PIP5K1B: variants seen among roughly 807,000 people sequenced by gnomAD.
PIP5K1B encodes the protein phosphatidylinositol-4-phosphate 5-kinase type 1 beta, also known as phosphatidylinositol 4-phosphate 5-kinase type-1 beta.
In PIP5K1B, 42 loss-of-function variants were observed where a neutral mutation model predicts 67.0. That is an observed-to-expected ratio of 0.63 (90% CI 0.49 to 0.81). The LOEUF is 0.81. PIP5K1B is among the 30% of genes least tolerant of loss of function. The pLI is 0.00. For synonymous variants in PIP5K1B, 214 were observed against 231.4 expected, an observed-to-expected ratio of 0.92 and a Z score of 0.68; for missense variants, 459 against 646.3, an observed-to-expected ratio of 0.71 and a Z score of 3.14.
At position 69,006,618 on chromosome 9, in the gene PIP5K1B, C is replaced by T. The variant is rs77009193; in HGVS notation, c.1621-1829C>T. On this transcript the variant is annotated intron_variant, in intron 15 of 15. Coordinates refer to ENST00000265382, the MANE Select transcript of PIP5K1B (RefSeq NM_003558.4). ...GTCTCTACCTCTCCTATTTTCTAGA[C>T]CAAAAAGCCCAGGCCTTTAGCCATT... Among the ~76,000 whole-genome samples, 768 of 152,224 alleles carry T rather than the reference C, an allele frequency of 5.0e-3. 2 individuals are homozygous for T. The highest frequency in any genetic ancestry group is 8.2e-3 in the Non-Finnish European group (559 of 68,020).
intron 1 of PIP5K1B, among the ~76,000 whole-genome samples, chr9:68,730,099 A>G (rs1219451743): frequency 6.6e-6 from 1 of 152,202 alleles, no homozygotes; most frequent in South Asian, 2.1e-4. Flanking sequence ...AAATTAAGTG[A>G]AAAAAGAGAC....
chr9:68,722,790 C>T (rs1249429507), intron 1 of PIP5K1B, among the ~76,000 whole-genome samples: 1 of 151,986 alleles, frequency 6.6e-6, no homozygotes, highest in Non-Finnish European at 1.5e-5. Context: ...TCACCTCAAA[C>T]ATTTTTCATT....
intron 2 of PIP5K1B, chr9:68,781,257 A>G (rs1831256840): frequency 1.8e-6 from 1 of 555,578 alleles, no homozygotes; most frequent in East Asian, 3.3e-5. Context: ...AAGTGTGTTG[A>G]AGCATACATC....
At chr9:68,943,691 T>G (rs900532069) in intron 14 of PIP5K1B, among the ~76,000 whole-genome samples, 1 of 152,194 alleles carries the variant, frequency 6.6e-6, no homozygotes, top group African/African-American at 2.4e-5. Flanking sequence ...GAAAATATGT[T>G]GAATATTGAT....
intron 3 of PIP5K1B, among the ~76,000 whole-genome samples, chr9:68,821,978 T>C (rs983159237): frequency 1.3e-5 from 2 of 152,222 alleles, no homozygotes; most frequent in African/African-American, 4.8e-5. Context: ...GGTAAGATAG[T>C]ATTGTAAGTT....
chr9:68,744,513 A>G (rs1829179730), intron 2 of PIP5K1B, among the ~76,000 whole-genome samples: 1 of 152,198 alleles, frequency 6.6e-6, no homozygotes, highest in Admixed American at 6.5e-5. Context: ...TTCCAGCTTC[A>G]TTCATATTTA....
chr9:68,758,233 T>C (rs967488411), intron 2 of PIP5K1B, among the ~76,000 whole-genome samples: 1 of 151,964 alleles, frequency 6.6e-6, no homozygotes, highest in Admixed American at 6.5e-5. Flanking sequence ...ACTTGGCATA[T>C]GAAGAACCAG....
intron 1 of PIP5K1B, among the ~76,000 whole-genome samples, chr9:68,738,655 C>G (rs888991776): frequency 3.3e-5 from 5 of 152,192 alleles, no homozygotes; most frequent in African/African-American, 1.2e-4. Context: ...CAACTTGATT[C>G]TCATGTTCCT....
At chr9:68,850,220 G>A (rs1438320671) in intron 4 of PIP5K1B, among the ~76,000 whole-genome samples, 3 of 152,320 alleles carry the variant, frequency 2.0e-5, no homozygotes, top group East Asian at 1.9e-4. Context: ...TGGTGAGGAC[G>A]TGACCTAGGA....
At chr9:68,725,217 G>T (rs1196700657) in intron 1 of PIP5K1B, among the ~76,000 whole-genome samples, 2 of 152,190 alleles carry the variant, frequency 1.3e-5, no homozygotes, top group African/African-American at 4.8e-5. Context: ...ACTTGCACAA[G>T]TTGAATTTGG....
At chr9:68,929,519 G>A (rs1362702202) in intron 12 of PIP5K1B, among the ~76,000 whole-genome samples, 1 of 152,120 alleles carries the variant, frequency 6.6e-6, no homozygotes, top group African/African-American at 2.4e-5. Context: ...AGAGTTGGAT[G>A]TACTTGCTGT....
At chr9:68,881,282 A>G (rs776177791) in intron 6 of PIP5K1B, among the ~76,000 whole-genome samples, 2 of 152,228 alleles carry the variant, frequency 1.3e-5, no homozygotes, top group Non-Finnish European at 2.9e-5. Flanking sequence ...TCTGAAGAAT[A>G]CAGCTGAAAG....
At chr9:68,880,175 G>A (rs980254666) in intron 6 of PIP5K1B, among the ~76,000 whole-genome samples, 1 of 152,186 alleles carries the variant, frequency 6.6e-6, no homozygotes, top group Admixed American at 6.5e-5. Context: ...TGAATGAGTT[G>A]TCCATGAGTT....
chr9:68,928,254 CTT>C (rs905321392), intron 12 of PIP5K1B, among the ~76,000 whole-genome samples: 1 of 152,138 alleles, frequency 6.6e-6, no homozygotes, highest in African/African-American at 2.4e-5. Context: ...TTCAGCTACT[CTT>C]TTTCATACTG....
At chr9:68,751,986 A>C (rs11143608) in intron 2 of PIP5K1B, among the ~76,000 whole-genome samples, 16,758 of 152,276 alleles carry the variant, frequency 0.11, 1,114 homozygotes, top group Non-Finnish European at 0.16. Context: ...TTGTTAAAGA[A>C]TATGATAGTC....
At chr9:68,874,673 A>G (rs971759898) in intron 5 of PIP5K1B, among the ~76,000 whole-genome samples, 46 of 152,134 alleles carry the variant, frequency 3.0e-4, no homozygotes, top group African/African-American at 9.9e-4. Context: ...ACAAAATGAG[A>G]AACTCCATTT....
chr9:68,889,938 A>G (rs1050563838), intron 7 of PIP5K1B, among the ~76,000 whole-genome samples: 1 of 152,162 alleles, frequency 6.6e-6, no homozygotes, highest in Non-Finnish European at 1.5e-5. Context: ...AGTGCTTTGC[A>G]TTCATTAACT....
chr9:68,908,835 T>C (rs1281120131), intron 8 of PIP5K1B, among the ~76,000 whole-genome samples: 1 of 152,198 alleles, frequency 6.6e-6, no homozygotes, highest in Non-Finnish European at 1.5e-5. Context: ...TTTTCTGACA[T>C]TATTGAATTA....
intron 5 of PIP5K1B, 34 bp from the exon 6 acceptor site, chr9:68,876,643 T>G (rs1823914984): frequency 8.4e-7 from 1 of 1,188,264 alleles, no homozygotes; most frequent in Non-Finnish European, 1.3e-6. Flanking sequence ...AATGTGTTCT[T>G]TCTTTCTCTC....
Sources: allele counts gnomAD v4.1 joint callset (sites outside exome capture counted in the v4.1 genomes callset), GRCh38; gene constraint gnomAD v4.1.1; transcripts MANE v1.5; gene names NCBI Gene and HGNC (gene_info 2026-07-23, HGNC 2026-07-21).